The following ABCA13 variants were observed in gnomAD, a reference collection of about 807,000 sequenced individuals.
ABCA13 encodes the protein ATP binding cassette subfamily A member 13.
In ABCA13, 476 loss-of-function variants were observed where a neutral mutation model predicts 478.7. The ratio of observed to expected loss-of-function variants is 0.99; its 90% CI spans 0.92 to 1.07. ABCA13 has a LOEUF of 1.07. Among genes scored for constraint, ABCA13 ranks in the 50% least tolerant of loss-of-function variants. The pLI, the probability that ABCA13 is intolerant of heterozygous loss-of-function variation, is 0.00. For missense variants in ABCA13, 6,060 were observed against 5,910.6 expected (o/e 1.03, Z -0.83); for synonymous variants, 2,252 against 2,158.9 (o/e 1.04, Z -1.20).
chr7:48,426,362 A>C (rs1443995777), intron 41 of ABCA13, among the ~76,000 whole-genome samples: 1 of 152,176 alleles, frequency 6.6e-6, no homozygotes, highest in East Asian at 1.9e-4. Flanking sequence ...TTGCTTGCTC[A>C]TGGCTTCTTC....
chr7:48,221,057 A>G (rs1787290968), intron 4 of ABCA13, among the ~76,000 whole-genome samples: 2 of 152,212 alleles, frequency 1.3e-5, no homozygotes, highest in African/African-American at 4.8e-5. Context: ...TTGGTTTACC[A>G]GTTAAATTTT....
intron 27 of ABCA13, among the ~76,000 whole-genome samples, chr7:48,329,521 A>G (rs981858667): frequency 6.6e-6 from 1 of 152,078 alleles, no homozygotes; most frequent in Admixed American, 6.6e-5. Flanking sequence ...CTTTTGTTTC[A>G]GGGGCAACAG....
intron 35 of ABCA13, among the ~76,000 whole-genome samples, chr7:48,385,447 G>A (rs544435740): frequency 6.6e-6 from 1 of 152,230 alleles, no homozygotes; most frequent in African/African-American, 2.4e-5. Context: ...TAAGGATAAT[G>A]GCCTCCAGCT....
intron 48 of ABCA13, among the ~76,000 whole-genome samples, chr7:48,491,344 A>G (rs909326681): frequency 7.9e-5 from 12 of 152,220 alleles, no homozygotes; most frequent in African/African-American, 2.9e-4. Context: ...GAAGAAGGCT[A>G]TGGGTAGAAC....
intron 2 of ABCA13, among the ~76,000 whole-genome samples, chr7:48,195,867 TGAGTA>T (rs1797858990): frequency 6.6e-6 from 1 of 151,866 alleles, no homozygotes; most frequent in Admixed American, 6.6e-5. Context: ...TGTTGCTGCA[TGAGTA>T]GATAAGGACT....
At chr7:48,622,538 C>T (rs1200968878) in intron 59 of ABCA13, among the ~76,000 whole-genome samples, 2 of 152,118 alleles carry the variant, frequency 1.3e-5, no homozygotes, top group Non-Finnish European at 2.9e-5. Flanking sequence ...GATGTTATGT[C>T]CCCTTGTCTT....
At position 48,403,794 on chromosome 7, in the gene ABCA13, G is replaced by T; in HGVS notation, c.11985G>T (p.Arg3995Ser). 6.2e-7 allele frequency: 1 copy of T among 1,613,960 alleles called. No homozygotes were observed. The highest frequency in any genetic ancestry group is 1.1e-5 in the South Asian group (1 of 91,058). ...SLGIAFMGMSRTVVLDEPTSG... is the reference protein window; with the variant it reads ...SLGIAFMGMSSTVVLDEPTSG... ...GCATTGCTTTCATGGGCATGTCGAG[G>T]ACCGTGGTTCTGGATGAGCCCACCA... is the stretch of plus-strand genomic sequence containing the variant. Residue 3995 changes from arginine to serine, a missense_variant, in exon 39 of 62, where the codon AGG (arginine) becomes AGT (serine). Physicochemically the swap from Arg to Ser is moderately radical, Grantham distance 110. Transcript: ENST00000435803.
At chr7:48,575,312 G>A (rs1788056516) in intron 55 of ABCA13, among the ~76,000 whole-genome samples, 1 of 151,858 alleles carries the variant, frequency 6.6e-6, no homozygotes, top group African/African-American at 2.4e-5. Flanking sequence ...ATAAGGGAAT[G>A]GTTTTTTAAA....
intron 31 of ABCA13, among the ~76,000 whole-genome samples, chr7:48,366,908 T>A (rs1239475763): frequency 6.6e-6 from 1 of 152,134 alleles, no homozygotes; most frequent in African/African-American, 2.4e-5. Context: ...CCTCCCACCT[T>A]GCCGACACAC....
chr7:48,363,341 C>A (rs1232580150), intron 31 of ABCA13, among the ~76,000 whole-genome samples: 1 of 152,028 alleles, frequency 6.6e-6, no homozygotes, highest in African/African-American at 2.4e-5. Context: ...TTATTTTCTC[C>A]CTTTTATATA....
chr7:48,561,127 CTTTA>C (rs1451411389), intron 55 of ABCA13, among the ~76,000 whole-genome samples: 1 of 151,408 alleles, frequency 6.6e-6, no homozygotes, highest in African/African-American at 2.4e-5. Flanking sequence ...TATTCATTTT[CTTTA>C]TTTATCCATC....
At chr7:48,559,311 C>G (rs1474614908) in intron 55 of ABCA13, among the ~76,000 whole-genome samples, 1 of 152,282 alleles carries the variant, frequency 6.6e-6, no homozygotes, top group East Asian at 1.9e-4. Flanking sequence ...TGGCCACCAT[C>G]ACTACTGGCT....
intron 56 of ABCA13, among the ~76,000 whole-genome samples, chr7:48,585,230 A>C (rs758212048): frequency 2.0e-5 from 3 of 152,204 alleles, no homozygotes; most frequent in Non-Finnish European, 2.9e-5. Flanking sequence ...AAATTCACTT[A>C]AGTGAATTTT....
intron 22 of ABCA13, 87 bp from the exon 23 acceptor site, chr7:48,298,279 C>A: frequency 8.0e-7 from 1 of 1,245,520 alleles, no homozygotes; most frequent in Non-Finnish European, 1.1e-6. Context: ...ACTATCCTAG[C>A]CAGGTTGTAA....
Position 48,197,461 on chromosome 7 carries a change from G to A in ABCA13, c.164-776G>A, listed in dbSNP as rs556892005. Among the ~76,000 whole-genome samples the A allele has an allele frequency of 2.2e-3, 330 of 152,234 alleles. 3 individuals are homozygous for A. In the Middle Eastern group the frequency reaches 0.027, roughly 13 times the overall value. On this transcript the variant is annotated intron_variant, in intron 2 of 61. Transcript: ENST00000435803. ...TAGATAAGGGCTGACAAGTTTTCCA[G>A]GGCAGTTCAGTAGAGGGATAGGATG...
intron 55 of ABCA13, among the ~76,000 whole-genome samples, chr7:48,563,476 A>G (rs533328085): frequency 6.6e-6 from 1 of 152,276 alleles, no homozygotes; most frequent in African/African-American, 2.4e-5. Context: ...TGAAGGACTC[A>G]GATAAAGAGA....
chr7:48,197,891 T>G (rs1163280356), intron 2 of ABCA13, among the ~76,000 whole-genome samples: 1 of 152,166 alleles, frequency 6.6e-6, no homozygotes, highest in East Asian at 1.9e-4. Flanking sequence ...TTTCTATTCT[T>G]CCTACCCACA....
Position 48,274,868 on chromosome 7 carries a change from GT to G in ABCA13, c.5205del (p.Pro1736LeufsTer8), listed in dbSNP as rs1796089727. The G allele has an allele frequency of 6.2e-7, 1 of 1,613,914 alleles. No individual in the cohort carries two copies. The highest frequency in any genetic ancestry group is 8.5e-7 in the Non-Finnish European group (1 of 1,179,852). On this transcript the variant is annotated frameshift_variant, in exon 17 of 62. Transcript: ENST00000435803. LOFTEE classifies it high-confidence loss of function. ...VNHLLQLSRLFPKDVVDAVID... is the reference protein window; with the variant it reads ...VNHLLQLSRLXPKDVVDAVID... ...ATCATCTGCTGCAGCTCTCACGCCT[GT>G]TTCCTAAAGATGTTGTGGATGCTGT...
At chr7:48,299,470 T>G (rs1428579629) in intron 23 of ABCA13, among the ~76,000 whole-genome samples, 1 of 152,204 alleles carries the variant, frequency 6.6e-6, no homozygotes, top group Admixed American at 6.5e-5. Context: ...ATTCAGCTTA[T>G]TAAACATGCA....
Sources: gnomAD v4.1 joint callset for allele counts (sites outside exome capture counted in the v4.1 genomes callset) on GRCh38, gnomAD v4.1.1 for gene constraint, MANE v1.5 for transcripts, NCBI Gene and HGNC (gene_info 2026-07-23, HGNC 2026-07-21) for gene names.